The following TMPRSS11D variants were observed in gnomAD, a reference collection of about 807,000 sequenced individuals.
The protein encoded by TMPRSS11D is transmembrane protease serine 11D.
A neutral mutation model predicts 44.4 loss-of-function variants in TMPRSS11D; 32 were observed. That is an observed-to-expected ratio of 0.72 (90% CI 0.54 to 0.97). The LOEUF (loss-of-function observed/expected upper bound fraction) is 0.97. TMPRSS11D is among the 50% of genes least tolerant of loss of function. TMPRSS11D has a pLI of 0.00. For missense variants in TMPRSS11D, 446 were observed against 502.6 expected, an observed-to-expected ratio of 0.89 and a Z score of 1.08; for synonymous variants, 179 against 177.9, an observed-to-expected ratio of 1.01 and a Z score of -0.05.
chr4:67,822,615 C>T (rs961403159), intron 9 of TMPRSS11D, 117 bp from the exon 10 acceptor site: 1 of 1,143,892 alleles, frequency 8.7e-7, no homozygotes, highest in Non-Finnish European at 1.2e-6. Flanking sequence ...ATAAAGTCAG[C>T]CTATTTCCTT....
At chr4:67,878,617 G>GAATA (rs1452354605) in intron 1 of TMPRSS11D, among the ~76,000 whole-genome samples, 2 of 152,130 alleles carry the variant, frequency 1.3e-5, no homozygotes, top group Non-Finnish European at 2.9e-5. Context: ...ATGAATGAAT[G>GAATA]AATAAAGTAT....
At chr4:67,847,766 T>A (rs1718391242) in intron 3 of TMPRSS11D, among the ~76,000 whole-genome samples, 1 of 152,192 alleles carries the variant, frequency 6.6e-6, no homozygotes, top group Non-Finnish European at 1.5e-5. Flanking sequence ...TTAAGAAAAG[T>A]AATTTAGAGA....
chr4:67,825,585 T>A (rs929348827), intron 9 of TMPRSS11D, 147 bp downstream of exon 9: 10 of 969,470 alleles, frequency 1.0e-5, no homozygotes, highest in African/African-American at 1.6e-5. Context: ...CATAAAAAAA[T>A]TTATTTCTAA....
In TMPRSS11D at chr4:67,860,121, A is replaced by T. The variant is rs556465395; in HGVS notation, c.9-443T>A. Among the ~76,000 whole-genome samples, 91 of 152,166 alleles carry T rather than the reference A, an allele frequency of 6.0e-4. 1 individual carries two copies. The highest frequency in any genetic ancestry group is 2.1e-3 in the African/African-American group (88 of 41,526). On this transcript the variant is annotated intron_variant, in intron 1 of 9. Transcript: ENST00000283916. ...TTTGGGTGGGAAGAAGTGTCGAGGA[A>T]GATAAAGAAGCAGGGGTGGGGTGGT... is the stretch of plus-strand genomic sequence containing the variant.
chr4:67,866,059 A>G (rs949465396), intron 1 of TMPRSS11D, among the ~76,000 whole-genome samples: 9 of 152,080 alleles, frequency 5.9e-5, no homozygotes, highest in African/African-American at 2.2e-4. Flanking sequence ...GGAAAACTGT[A>G]GGTCAAAATC....
At chr4:67,834,233 C>T (rs557064179) in intron 6 of TMPRSS11D, among the ~76,000 whole-genome samples, 1 of 151,864 alleles carries the variant, frequency 6.6e-6, no homozygotes, top group African/African-American at 2.4e-5. Flanking sequence ...TAAGTAGTGC[C>T]CTGGTTTAAT....
At chr4:67,876,138 C>A (rs1036315738) in intron 1 of TMPRSS11D, among the ~76,000 whole-genome samples, 1 of 152,112 alleles carries the variant, frequency 6.6e-6, no homozygotes, top group Admixed American at 6.6e-5. Flanking sequence ...ACTACACAGG[C>A]AATGCAGAAA....
chr4:67,833,366 G>A lies in TMPRSS11D; in HGVS notation c.530C>T (p.Pro177Leu). Residue 177 changes from proline (P) to leucine (L), a missense_variant, in exon 7 of 10, where the codon CCA becomes CTA. By Grantham distance (98) the Pro-to-Leu change is moderately conservative (BLOSUM62 -3). Transcript: ENST00000283916. ...CTGCTCAGACAATGTTATTAGGTCT[G>A]GACCGGCCCCACATTCTAATGAGAA... The part of the protein sequence containing the change: ...NWLINECGAG[P>L]DLITLSEQRI... 1 of 1,526,864 alleles carries A rather than the reference G, an allele frequency of 6.5e-7. No homozygotes were observed. The highest frequency in any genetic ancestry group is 8.8e-7 in the Non-Finnish European group (1 of 1,138,088). The allele number at this position is 1,526,864 out of a possible 1,614,324, so 94.6% of individuals were successfully genotyped here.
At position 67,838,259 on chromosome 4, in the gene TMPRSS11D, A is replaced by G. The variant is rs753988694; in HGVS notation, c.388T>C (p.Ser130Pro). 6.2e-7 allele frequency: 1 copy of G among 1,603,638 alleles called. No homozygotes were observed. The highest frequency in any genetic ancestry group is 8.5e-7 in the Non-Finnish European group (1 of 1,175,866). The change falls in exon 5 of 10, where the codon TCA becomes CCA. Residue 130 changes from serine to proline, a missense_variant. Physicochemically the swap from Ser to Pro is moderately conservative, Grantham distance 74 (BLOSUM62 -1). Transcript: ENST00000283916. Reference protein sequence around the residue: ...FQFTRNNNGASMKSRIESVLR... With the variant: ...FQFTRNNNGAPMKSRIESVLR... ...ACAGACTCAATTCTGCTTTTCATTG[A>G]TGCTCCATTGTTATTTCTAGTGAAT...
In TMPRSS11D at chr4:67,854,631, T is replaced by G. The variant is rs75674538; in HGVS notation, c.131-445A>C. On this transcript the variant is annotated intron_variant, in intron 2 of 9. Coordinates refer to ENST00000283916, the MANE Select transcript of TMPRSS11D (RefSeq NM_004262.3). ...TGAGGAGTTAGTAATTCACCATTAGTTTTTCTGGAGTAAGCTAGAAAGTAA... is the reference window on the plus strand; with the variant it reads ...TGAGGAGTTAGTAATTCACCATTAGGTTTTCTGGAGTAAGCTAGAAAGTAA... 3.3e-3 allele frequency among the ~76,000 whole-genome samples: 506 copies of G among 152,284 alleles called. 2 individuals are homozygous for G. Among genetic ancestry groups the G allele is most frequent in the African/African-American group, 0.011 (474 of 41,556 alleles).
At chr4:67,876,047 C>T (rs376678190) in intron 1 of TMPRSS11D, among the ~76,000 whole-genome samples, 83 of 152,170 alleles carry the variant, frequency 5.5e-4, no homozygotes, top group African/African-American at 1.8e-3. Context: ...AACAAATGTA[C>T]TTGTTTACTC....
intron 3 of TMPRSS11D, among the ~76,000 whole-genome samples, chr4:67,843,663 C>A (rs1328904863): frequency 1.3e-5 from 2 of 152,252 alleles, no homozygotes; most frequent in Non-Finnish European, 2.9e-5. Context: ...GTGGCTCACG[C>A]CTGTAATCCC....
intron 7 of TMPRSS11D, among the ~76,000 whole-genome samples, chr4:67,829,646 T>C (rs891660069): frequency 6.6e-6 from 1 of 152,132 alleles, no homozygotes; most frequent in East Asian, 1.9e-4. Flanking sequence ...TTTTGTAGAA[T>C]ATATTTTAAA....
intron 4 of TMPRSS11D, among the ~76,000 whole-genome samples, chr4:67,841,599 G>A (rs1718232176): frequency 6.6e-6 from 1 of 152,166 alleles, no homozygotes; most frequent in South Asian, 2.1e-4. Flanking sequence ...TGAACAAAAG[G>A]AGAGAAAAGG....
intron 1 of TMPRSS11D, among the ~76,000 whole-genome samples, chr4:67,878,550 T>A (rs1006695819): frequency 1.3e-5 from 2 of 152,190 alleles, no homozygotes; most frequent in African/African-American, 4.8e-5. Flanking sequence ...GCCTTTTTGT[T>A]CCAGTGCTGT....
In TMPRSS11D at chr4:67,833,371, G is replaced by A. The variant is rs762267596; in HGVS notation, c.525C>T (p.Ala175=). ...CAGACAATGTTATTAGGTCTGGACC[G>A]GCCCCACATTCTAATGAGAAAGGGC... The part of the protein sequence containing the change: ...AANWLINECG[A]GPDLITLSEQ... The change falls in exon 7 of 10, where the codon GCC becomes GCT. Residue 175 remains alanine, a synonymous_variant. Transcript: ENST00000283916. The A allele has an allele frequency of 2.7e-5, 41 of 1,506,648 alleles. No homozygotes were observed. The Admixed American group carries it at 4.1e-4, about 15-fold the overall frequency. 93.3% of individuals were successfully genotyped at this position (1,506,648 alleles called of 1,614,324 possible). A position where few individuals can be genotyped will look rare whatever the true frequency, so the allele number is the denominator to read the frequency against.
chr4:67,855,726 CATTCAAATTGGAAAAGAAGTTACAT>C (rs1364810528), intron 2 of TMPRSS11D, among the ~76,000 whole-genome samples: 1 of 152,046 alleles, frequency 6.6e-6, no homozygotes, highest in Non-Finnish European at 1.5e-5. Flanking sequence ...AATAAAAATG[CATTCAAATTGGAAAAGAAGTTACAT>C]ATTCAAATTG....
Position 67,859,681 on chromosome 4 carries a change from T to A in TMPRSS11D, c.9-3A>T. The A allele has an allele frequency of 6.2e-7, 1 of 1,612,550 alleles. No individual in the cohort carries two copies. Among genetic ancestry groups the A allele is most frequent in the Non-Finnish European group, 8.5e-7 (1 of 1,178,930 alleles). ...AAGTCGAAGTTACACGTGCTGGCCT[T>A]ACAAGAGAGAGAGATCAAAGAAAGT... is the stretch of plus-strand genomic sequence containing the variant. On this transcript the variant is annotated splice_region_variant and splice_polypyrimidine_tract_variant and intron_variant, in intron 1 of 9. Coordinates refer to ENST00000283916, the MANE Select transcript of TMPRSS11D (RefSeq NM_004262.3).
At chr4:67,855,835 A>C (rs1718622461) in intron 2 of TMPRSS11D, among the ~76,000 whole-genome samples, 1 of 152,216 alleles carries the variant, frequency 6.6e-6, no homozygotes, top group South Asian at 2.1e-4. Context: ...TAGATCTGAT[A>C]TATAATTTCA....
Sources: gnomAD v4.1 joint callset for allele counts (sites outside exome capture counted in the v4.1 genomes callset) on GRCh38, gnomAD v4.1.1 for gene constraint, MANE v1.5 for transcripts, NCBI Gene and HGNC (gene_info 2026-07-23, HGNC 2026-07-21) for gene names.